Variants in VAV3 observed in about 807,000 individuals in gnomAD.
VAV3 encodes the protein vav guanine nucleotide exchange factor 3.
Under a neutral mutation model 131.2 loss-of-function variants are expected in VAV3, and 94 were observed. The observed-to-expected ratio is 0.72, with a 90% CI of 0.61 to 0.85. The LOEUF (loss-of-function observed/expected upper bound fraction) is 0.85, where lower values mean the gene tolerates loss of function less well. VAV3 is among the 40% of genes least tolerant of loss of function. The pLI is 0.00. For missense variants in VAV3, 939 were observed against 1,002.7 expected (o/e 0.94, Z 0.86); for synonymous variants, 349 against 342.0 (o/e 1.02, Z -0.22).
At chr1:107,755,592 A>G (rs1664057913) in intron 11 of VAV3, 79 bp from the exon 12 acceptor site, 4 of 949,576 alleles carry the variant, frequency 4.2e-6, no homozygotes, top group Non-Finnish European at 4.9e-6. Flanking sequence ...AAAACACATC[A>G]TTAATTCCAT....
intron 2 of VAV3, among the ~76,000 whole-genome samples, chr1:107,787,896 C>T (rs1666103792): frequency 6.6e-6 from 1 of 152,068 alleles, no homozygotes; most frequent in Admixed American, 6.5e-5. Context: ...TCTGAAGACC[C>T]CAAACAGAGC....
chr1:107,879,524 T>C (rs1207233391), intron 1 of VAV3, among the ~76,000 whole-genome samples: 4 of 152,158 alleles, frequency 2.6e-5, no homozygotes, highest in Non-Finnish European at 2.9e-5. Context: ...TGGCTAGAGA[T>C]AGGGTGTTTT....
chr1:107,654,465 T>C (rs1464135805), intron 19 of VAV3, among the ~76,000 whole-genome samples: 2 of 152,096 alleles, frequency 1.3e-5, no homozygotes, highest in East Asian at 1.9e-4. Context: ...TTTTGTCATC[T>C]ACAATTTTTC....
intron 2 of VAV3, among the ~76,000 whole-genome samples, chr1:107,818,515 T>C (rs1339851021): frequency 1.3e-5 from 2 of 151,894 alleles, no homozygotes; most frequent in Admixed American, 1.3e-4. Context: ...GGAACACATA[T>C]TAGAAAAACA....
At chr1:107,847,574 A>G (rs1164149549) in intron 2 of VAV3, among the ~76,000 whole-genome samples, 1 of 152,244 alleles carries the variant, frequency 6.6e-6, no homozygotes, top group East Asian at 1.9e-4. Flanking sequence ...ATAATAAAAA[A>G]TGATAAAGGG....
At chr1:107,926,049 G>A (rs1673144760) in intron 1 of VAV3, among the ~76,000 whole-genome samples, 1 of 152,020 alleles carries the variant, frequency 6.6e-6, no homozygotes, top group African/African-American at 2.4e-5. Flanking sequence ...GGAAGCCGAG[G>A]CGGGCAGATC....
At chr1:107,733,131 C>G (rs1662360181) in intron 15 of VAV3, among the ~76,000 whole-genome samples, 1 of 152,180 alleles carries the variant, frequency 6.6e-6, no homozygotes, top group Non-Finnish European at 1.5e-5. Context: ...TCCAACAGAC[C>G]TGCAACTGAG....
chr1:107,803,436 G>T (rs988629688), intron 2 of VAV3, among the ~76,000 whole-genome samples: 1 of 151,726 alleles, frequency 6.6e-6, no homozygotes, highest in Admixed American at 6.6e-5. Context: ...CACAGATTTT[G>T]GTATGTCATA....
intron 2 of VAV3, among the ~76,000 whole-genome samples, chr1:107,842,891 A>G (rs1668788583): frequency 6.6e-6 from 1 of 152,198 alleles, no homozygotes; most frequent in Admixed American, 6.5e-5. Context: ...GAAATTAATG[A>G]TGGTTAATTT....
At chr1:107,863,940 C>A (rs1669864035) in intron 2 of VAV3, among the ~76,000 whole-genome samples, 1 of 152,140 alleles carries the variant, frequency 6.6e-6, no homozygotes, top group Admixed American at 6.5e-5. Flanking sequence ...ATGCCTTTCT[C>A]TCTCCAGAAG....
intron 15 of VAV3, among the ~76,000 whole-genome samples, chr1:107,748,120 C>A (rs973387839): frequency 7.2e-4 from 109 of 152,280 alleles, no homozygotes; most frequent in African/African-American, 2.6e-3. Context: ...TTTACATTAA[C>A]ATGAGCATTT....
Position 107,768,441 on chromosome 1 carries a change from AG to A in VAV3, c.716del (p.Pro239LeufsTer4). 6.2e-7 allele frequency: 1 copy of A among 1,610,824 alleles called. No homozygotes were observed. The highest frequency in any genetic ancestry group is 2.2e-5 in the East Asian group (1 of 44,696). ...AEFDSVFINI[P>X]ELVKLHRNLM... is the part of the protein sequence containing the mutation. The stretch of plus-strand genomic sequence containing the variant: ...TTTTAGCTAGCATATTTTTACTCAC[AG>A]GAATGTTGATGAATACTGAATCAAA... On this transcript the variant is annotated frameshift_variant and splice_region_variant, in exon 7 of 27. Coordinates refer to ENST00000370056, the MANE Select transcript of VAV3 (RefSeq NM_006113.5). LOFTEE classifies it high-confidence loss of function.
intron 19 of VAV3, among the ~76,000 whole-genome samples, chr1:107,650,949 AT>A (rs376641363): frequency 1.4e-3 from 214 of 152,064 alleles, no homozygotes; most frequent in African/African-American, 5.0e-3. Flanking sequence ...ATGGAATACT[AT>A]GCAGCCATAA....
In VAV3 at chr1:107,827,063, G is replaced by A. The variant is rs1296818140; in HGVS notation, c.322-47571C>T. 2.0e-5 allele frequency among the ~76,000 whole-genome samples: 3 copies of A among 152,158 alleles called. No individual in the cohort carries two copies. The East Asian group carries it at 5.8e-4, about 29-fold the overall frequency. ...AATAGTTTCTCATACTTTCTTTCAT[G>A]TATTTTTTGTCTTCTCCACAAAATT... On this transcript the variant is annotated intron_variant, in intron 2 of 26. Coordinates refer to ENST00000370056, the MANE Select transcript of VAV3 (RefSeq NM_006113.5).
intron 2 of VAV3, among the ~76,000 whole-genome samples, chr1:107,870,548 G>T (rs1034271893): frequency 6.6e-6 from 1 of 151,932 alleles, no homozygotes; most frequent in Non-Finnish European, 1.5e-5. Flanking sequence ...CCTTTGTTTG[G>T]TGTATAGATT....
At chr1:107,673,775 A>G (rs1657988575) in intron 19 of VAV3, 2 of 152,258 alleles carry the variant, frequency 1.3e-5, no homozygotes, top group African/African-American at 4.8e-5. Context: ...GCATTTAATA[A>G]ACATGTGGCT....
At chr1:107,896,858 T>C (rs993006159) in intron 1 of VAV3, among the ~76,000 whole-genome samples, 3 of 152,210 alleles carry the variant, frequency 2.0e-5, no homozygotes, top group Admixed American at 6.5e-5. Flanking sequence ...TAGTTTACAA[T>C]GGATCACATG....
At chr1:107,818,429 C>G (rs1372640084) in intron 2 of VAV3, among the ~76,000 whole-genome samples, 1 of 150,672 alleles carries the variant, frequency 6.6e-6, no homozygotes, top group East Asian at 1.9e-4. Flanking sequence ...AGGAATCACA[C>G]AGACGCAAAT....
At position 107,895,772 on chromosome 1, in the gene VAV3, C is replaced by T. The variant is rs1423081867; in HGVS notation, c.205-20755G>A. ...ATCCCACCCCAATCATGTGTCCTTGCTCAAAAATGAATTAGTTATAAATTT... is the reference window on the plus strand; with the variant it reads ...ATCCCACCCCAATCATGTGTCCTTGTTCAAAAATGAATTAGTTATAAATTT... On this transcript the variant is annotated intron_variant, in intron 1 of 26. Coordinates refer to ENST00000370056, the MANE Select transcript of VAV3 (RefSeq NM_006113.5). Among the ~76,000 whole-genome samples the T allele has an allele frequency of 2.0e-5, 3 of 152,142 alleles. No homozygotes were observed. In the South Asian group the frequency reaches 6.2e-4, roughly 32 times the overall value.
Sources: allele counts gnomAD v4.1 joint callset (sites outside exome capture counted in the v4.1 genomes callset), GRCh38; gene constraint gnomAD v4.1.1; transcripts MANE v1.5; gene names NCBI Gene and HGNC (gene_info 2026-07-23, HGNC 2026-07-21).